ARK2N: variants seen among roughly 807,000 people sequenced by gnomAD.
The protein encoded by ARK2N is protein ARK2N.
chr18:46,182,799 A>G, the ARK2N span, among the ~76,000 whole-genome samples: 9 of 151,488 alleles, frequency 5.9e-5, no homozygotes, highest in African/African-American at 2.2e-4. Context: ...AATATCTGCA[A>G]TATGAAGTGA....
the ARK2N span, among the ~76,000 whole-genome samples, chr18:46,180,523 T>C: frequency 6.6e-6 from 1 of 152,016 alleles, no homozygotes; most frequent in East Asian, 1.9e-4. Flanking sequence ...CCTGACCAAC[T>C]TGGAGAAACA....
At chr18:46,230,655 T>G in the ARK2N span, among the ~76,000 whole-genome samples, 2 of 152,236 alleles carry the variant, frequency 1.3e-5, no homozygotes, top group African/African-American at 4.8e-5. Flanking sequence ...ATCTATCAGA[T>G]AATTTTTTTC....
the ARK2N span, among the ~76,000 whole-genome samples, chr18:46,262,143 T>G: frequency 6.6e-6 from 1 of 152,158 alleles, no homozygotes; most frequent in African/African-American, 2.4e-5. Context: ...GAGTCAGAAC[T>G]TAGTGTTTTG....
the ARK2N span, chr18:46,232,962 G>A: frequency 1.3e-5 from 2 of 152,114 alleles, no homozygotes; most frequent in East Asian, 3.8e-4. Context: ...TGTTGAGGAT[G>A]GGGTTATGTG....
the ARK2N span, among the ~76,000 whole-genome samples, chr18:46,189,212 C>CAA: frequency 5.8e-4 from 50 of 86,864 alleles, no homozygotes; most frequent in East Asian, 2.8e-3. Context: ...GAGACTGTCT[C>CAA]AAAAAAAAAA....
the ARK2N span, among the ~76,000 whole-genome samples, chr18:46,207,758 C>T: frequency 6.6e-5 from 10 of 152,304 alleles, no homozygotes; most frequent in South Asian, 1.0e-3. Flanking sequence ...GTTTTAGATC[C>T]TGTCAGTTAT....
the ARK2N span, among the ~76,000 whole-genome samples, chr18:46,192,859 C>T: frequency 8.3e-5 from 12 of 144,492 alleles, no homozygotes; most frequent in South Asian, 2.2e-4. Context: ...AGACGTGAGC[C>T]GCTACGCCCG....
At chr18:46,189,597 T>G in the ARK2N span, among the ~76,000 whole-genome samples, 1 of 152,130 alleles carries the variant, frequency 6.6e-6, no homozygotes, top group African/African-American at 2.4e-5. Flanking sequence ...AGATAAAACC[T>G]TATCTTTGGC....
the ARK2N span, among the ~76,000 whole-genome samples, chr18:46,187,622 G>A: frequency 3.9e-5 from 6 of 152,240 alleles, no homozygotes; most frequent in East Asian, 9.7e-4. Context: ...GATTATAGGC[G>A]TGAGCACTGT....
chr18:46,189,536 C>T, the ARK2N span, among the ~76,000 whole-genome samples: 5 of 152,166 alleles, frequency 3.3e-5, no homozygotes, highest in African/African-American at 1.2e-4. Context: ...AAGTGATCCT[C>T]TGCCTTAGCC....
At chr18:46,251,255 C>A in the ARK2N span, among the ~76,000 whole-genome samples, 2 of 152,188 alleles carry the variant, frequency 1.3e-5, no homozygotes, top group Non-Finnish European at 2.9e-5. Flanking sequence ...ATAACTAAAA[C>A]ATTGAAGTAG....
At chr18:46,204,176 T>C in the ARK2N span, among the ~76,000 whole-genome samples, 2 of 151,806 alleles carry the variant, frequency 1.3e-5, no homozygotes, top group Admixed American at 6.6e-5. Flanking sequence ...ACTGCAGTAA[T>C]CTTAGAAAAA....
chr18:46,205,706 GT>G, the ARK2N span, among the ~76,000 whole-genome samples: 1 of 152,206 alleles, frequency 6.6e-6, no homozygotes, highest in Non-Finnish European at 1.5e-5. Flanking sequence ...TTTGAGACCT[GT>G]GGGTTGTTTT....
chr18:46,239,178 A>T, the ARK2N span, among the ~76,000 whole-genome samples: 1 of 152,174 alleles, frequency 6.6e-6, no homozygotes, highest in Non-Finnish European at 1.5e-5. Context: ...GAATTGCTGC[A>T]GTGTAATTAA....
chr18:46,265,008 A>T, the ARK2N span: 1 of 152,644 alleles, frequency 6.6e-6, no homozygotes, highest in African/African-American at 2.4e-5. Flanking sequence ...AATTCTAGAC[A>T]AAAACCAAAG....
chr18:46,255,352 T>C, the ARK2N span, among the ~76,000 whole-genome samples: 64 of 152,298 alleles, frequency 4.2e-4, no homozygotes, highest in Admixed American at 8.5e-4. Context: ...ATTTATACCT[T>C]CTGTATTTAT....
At chr18:46,232,554 C>T in the ARK2N span, 1 of 152,024 alleles carries the variant, frequency 6.6e-6, no homozygotes, top group African/African-American at 2.4e-5. Context: ...TTAGAAGTTA[C>T]GAGATTGTGA....
the ARK2N span, among the ~76,000 whole-genome samples, chr18:46,184,768 A>T: frequency 2.0e-5 from 3 of 152,234 alleles, no homozygotes; most frequent in Admixed American, 1.3e-4. Flanking sequence ...GATGAGTATT[A>T]TGAATGCAAT....
At chr18:46,259,772 C>CTGTGTGTGTGTGTG in the ARK2N span, among the ~76,000 whole-genome samples, 188 of 104,846 alleles carry the variant, frequency 1.8e-3, 12 homozygotes, top group African/African-American at 3.3e-3. Context: ...CACCCAGCTA[C>CTGTGTGTGTGTGTG]TGTGTGTGTG....
Sources: allele counts gnomAD v4.1 joint callset (sites outside exome capture counted in the v4.1 genomes callset), GRCh38; gene constraint gnomAD v4.1.1; transcripts MANE v1.5; gene names NCBI Gene and HGNC (gene_info 2026-07-23, HGNC 2026-07-21).